LRP5: variants seen among roughly 807,000 people sequenced by gnomAD.
LRP5 encodes LDL receptor related protein 5.
Under a neutral mutation model 154.1 loss-of-function variants are expected in LRP5, and 62 were observed. The observed-to-expected ratio is 0.40, with a 90% CI of 0.33 to 0.50. The LOEUF (loss-of-function observed/expected upper bound fraction) is 0.50. Among genes scored for constraint, LRP5 ranks in the 20% least tolerant of loss-of-function variants. LRP5 has a pLI of 0.55. For synonymous variants in LRP5, 966 were observed against 1,011.5 expected, an observed-to-expected ratio of 0.96 and a Z score of 0.85; for missense variants, 1,915 against 2,336.7, an observed-to-expected ratio of 0.82 and a Z score of 3.72.
intron 10 of LRP5, among the ~76,000 whole-genome samples, chr11:68,411,103 C>T (rs776832144): frequency 3.3e-5 from 5 of 152,136 alleles, no homozygotes; most frequent in Non-Finnish European, 2.9e-5. Flanking sequence ...TGGTTTCTGC[C>T]GTGTCCCCAA....
intron 2 of LRP5, among the ~76,000 whole-genome samples, chr11:68,348,504 C>A (rs890501547): frequency 2.1e-5 from 3 of 140,244 alleles, no homozygotes; most frequent in Non-Finnish European, 4.6e-5. Context: ...TGGCTCAGGC[C>A]TGTAACCCCA....
intron 21 of LRP5, among the ~76,000 whole-genome samples, chr11:68,444,409 C>G (rs187975620): frequency 2.0e-5 from 3 of 152,054 alleles, no homozygotes; most frequent in Admixed American, 2.0e-4. Context: ...CCCAGCTTCT[C>G]GGGAGTCTGA....
chr11:68,387,063 A>G (rs1283067313), intron 6 of LRP5, among the ~76,000 whole-genome samples: 1 of 151,802 alleles, frequency 6.6e-6, no homozygotes, highest in African/African-American at 2.4e-5. Flanking sequence ...GACAGTAGTG[A>G]CAGTAAGGGC....
rs531398688 is a variant in LRP5 at position 68,416,146 on chromosome 11, A to C, written c.2828-182A>C. 1.2e-4 allele frequency among the ~76,000 whole-genome samples: 19 copies of C among 152,256 alleles called. No individual in the cohort carries two copies. The South Asian group carries it at 3.7e-3, about 30-fold the overall frequency. On this transcript the variant is annotated intron_variant, in intron 12 of 22. Transcript: ENST00000294304. ...TTGAAACAGCAGAGACACATATGAC[A>C]CGGAGAATGAAATTCCCCATAGCGC...
intron 21 of LRP5, among the ~76,000 whole-genome samples, chr11:68,440,452 G>A (rs533962988): frequency 6.6e-6 from 1 of 152,330 alleles, no homozygotes; most frequent in Non-Finnish European, 1.5e-5. Flanking sequence ...TGAAATGACT[G>A]TGAGGAGAAT....
intron 1 of LRP5, among the ~76,000 whole-genome samples, chr11:68,332,543 G>A (rs1291976087): frequency 3.3e-5 from 5 of 152,246 alleles, no homozygotes; most frequent in Non-Finnish European, 5.9e-5. Flanking sequence ...TACGGAGGAC[G>A]TGGGCTTCAC....
chr11:68,349,460 CA>C (rs1473201401), intron 2 of LRP5, among the ~76,000 whole-genome samples: 1 of 152,192 alleles, frequency 6.6e-6, no homozygotes, highest in East Asian at 1.9e-4. Flanking sequence ...GACGCTCAGG[CA>C]GGTGGAATTT....
intron 3 of LRP5, among the ~76,000 whole-genome samples, chr11:68,361,664 A>T (rs562422741): frequency 6.6e-5 from 10 of 151,746 alleles, no homozygotes; most frequent in African/African-American, 2.4e-4. Flanking sequence ...AAAAAATAAA[A>T]TTAGAAAATT....
At chr11:68,352,112 G>C (rs565498069) in intron 2 of LRP5, among the ~76,000 whole-genome samples, 1 of 152,270 alleles carries the variant, frequency 6.6e-6, no homozygotes, top group East Asian at 1.9e-4. Context: ...GCTGTGGGGT[G>C]GGTGGCGTGG....
chr11:68,440,845 C>T (rs1245384983), intron 21 of LRP5, among the ~76,000 whole-genome samples: 8 of 152,004 alleles, frequency 5.3e-5, no homozygotes, highest in South Asian at 4.2e-4. Flanking sequence ...CTAGGCTCAC[C>T]GCAACCTCTG....
At chr11:68,333,881 G>A (rs552026259) in intron 1 of LRP5, among the ~76,000 whole-genome samples, 2 of 152,242 alleles carry the variant, frequency 1.3e-5, no homozygotes, top group African/African-American at 4.8e-5. Flanking sequence ...TGCAGGGGCC[G>A]GCAGTGCGCT....
intron 1 of LRP5, among the ~76,000 whole-genome samples, chr11:68,321,825 C>T (rs1178141925): frequency 4.6e-5 from 7 of 152,168 alleles, no homozygotes; most frequent in African/African-American, 9.7e-5. Context: ...GATGGGGAGG[C>T]GGTACCTGCC....
intron 1 of LRP5, among the ~76,000 whole-genome samples, chr11:68,338,672 G>A (rs1020774310): frequency 1.3e-5 from 2 of 152,082 alleles, no homozygotes; most frequent in Non-Finnish European, 2.9e-5. Flanking sequence ...TGCTGAGCAG[G>A]GGTGCCTGAA....
At chr11:68,310,267 G>A (rs762329044), upstream of LRP5, among the ~76,000 whole-genome samples, 14 of 152,170 alleles carry the variant, frequency 9.2e-5, no homozygotes, top group Middle Eastern at 3.2e-3. Context: ...ACGAGGCTAA[G>A]TGGGGTGAAA....
rs2098643346 is a variant in LRP5, at chr11:68,386,825, G to A, written c.1412+113G>A. The A allele has an allele frequency of 1.1e-5, 14 of 1,283,042 alleles. No homozygotes were observed. In the East Asian group the frequency reaches 3.2e-4, roughly 30 times the overall value. 79.5% of individuals were successfully genotyped at this position (1,283,042 alleles called of 1,614,324 possible). On this transcript the variant is annotated intron_variant, in intron 6 of 22. Transcript: ENST00000294304. This position sits in a 1 kb window ranked among gnomAD's most constrained non-coding sequence, Gnocchi z 7.9. Reference sequence around the variant, plus strand: ...CACTGTCTTGCATCAGAACCCGGAGGAGGGCTTGTTAAAACACCGGCAGCT... The same window carrying A: ...CACTGTCTTGCATCAGAACCCGGAGAAGGGCTTGTTAAAACACCGGCAGCT...
At chr11:68,391,466 C>A (rs959699410) in intron 7 of LRP5, among the ~76,000 whole-genome samples, 12 of 152,246 alleles carry the variant, frequency 7.9e-5, no homozygotes, top group African/African-American at 2.7e-4. Flanking sequence ...CACCTTTGCT[C>A]TCCTCAGGGC....
intron 19 of LRP5, among the ~76,000 whole-genome samples, chr11:68,437,842 G>T (rs1326874558): frequency 2.6e-5 from 4 of 152,260 alleles, no homozygotes; most frequent in Non-Finnish European, 5.9e-5. Flanking sequence ...AGCTGTGGGG[G>T]CGCTGTTGAT....
At chr11:68,299,557 G>A in the LRP5 span, among the ~76,000 whole-genome samples, 3 of 151,134 alleles carry the variant, frequency 2.0e-5, no homozygotes, top group Non-Finnish European at 3.0e-5. Flanking sequence ...CAGGGACCCT[G>A]AGGAAGAGCT....
chr11:68,306,909 G>T, the LRP5 span, among the ~76,000 whole-genome samples: 1 of 152,220 alleles, frequency 6.6e-6, no homozygotes, highest in Non-Finnish European at 1.5e-5. Flanking sequence ...GACAGCCGAG[G>T]TGAGTGCCTG....
Sources: gnomAD v4.1 joint callset for allele counts (sites outside exome capture counted in the v4.1 genomes callset) on GRCh38, gnomAD v4.1.1 for gene constraint, Gnocchi (gnomAD v3.1) non-coding constraint, MANE v1.5 for transcripts, NCBI Gene and HGNC (gene_info 2026-07-23, HGNC 2026-07-21) for gene names.